HIVEP3: variants seen among roughly 807,000 people sequenced by gnomAD.
HIVEP3 encodes HIVEP zinc finger 3.
In HIVEP3, 49 loss-of-function variants were observed where a neutral mutation model predicts 152.8. The observed-to-expected ratio is 0.32, with a 90% CI of 0.26 to 0.41. HIVEP3 has a LOEUF of 0.41. Ranked by LOEUF, HIVEP3 falls within the 10% of genes least tolerant of loss-of-function variation. The probability of loss-of-function intolerance (pLI) is 1.00; values close to 1 mark genes in which losing one functional copy is unlikely to be tolerated. For missense variants in HIVEP3, 2,790 were observed against 3,103.3 expected, an observed-to-expected ratio of 0.90 and a Z score of 2.40; for synonymous variants, 1,269 against 1,289.0, an observed-to-expected ratio of 0.98 and a Z score of 0.33.
At chr1:41,767,162 C>A (rs1360071261) in intron 1 of HIVEP3, among the ~76,000 whole-genome samples, 1 of 152,208 alleles carries the variant, frequency 6.6e-6, no homozygotes, top group Non-Finnish European at 1.5e-5. Flanking sequence ...ATCATCTGGG[C>A]ATCCTTATGC....
At chr1:41,709,679 G>A (rs920423772) in intron 1 of HIVEP3, among the ~76,000 whole-genome samples, 4 of 152,216 alleles carry the variant, frequency 2.6e-5, no homozygotes, top group African/African-American at 9.6e-5. Context: ...CTCTGGCTTT[G>A]TAGATAATTG....
intron 5 of HIVEP3, among the ~76,000 whole-genome samples, chr1:41,569,530 G>C (rs1644220986): frequency 6.6e-6 from 1 of 152,138 alleles, no homozygotes; most frequent in South Asian, 2.1e-4. Flanking sequence ...TCTAAATCTG[G>C]AGTTCACAGC....
intron 2 of HIVEP3, among the ~76,000 whole-genome samples, chr1:41,684,899 C>G (rs1022144961): frequency 6.6e-6 from 1 of 152,248 alleles, no homozygotes; most frequent in Non-Finnish European, 1.5e-5. Flanking sequence ...CAGACGTGAA[C>G]CTGGTTCTGT....
At chr1:41,892,531 C>T (rs1644462392) in intron 1 of HIVEP3, among the ~76,000 whole-genome samples, 1 of 152,214 alleles carries the variant, frequency 6.6e-6, no homozygotes, top group South Asian at 2.1e-4. Context: ...GAAAAAAAGA[C>T]CCAGATGTTG....
At chr1:41,779,699 A>G (rs1461639655) in intron 1 of HIVEP3, among the ~76,000 whole-genome samples, 6 of 152,276 alleles carry the variant, frequency 3.9e-5, no homozygotes, top group Non-Finnish European at 1.5e-5. Flanking sequence ...GTTTTGCCAT[A>G]TTGGCCAGGC....
At chr1:41,893,910 T>TTA (rs534353500) in intron 1 of HIVEP3, among the ~76,000 whole-genome samples, 78 of 145,240 alleles carry the variant, frequency 5.4e-4, no homozygotes, top group Non-Finnish European at 7.0e-4. Context: ...TATTTATTTT[T>TTA]TATATATATA....
intron 5 of HIVEP3, among the ~76,000 whole-genome samples, chr1:41,532,101 G>C (rs1212602048): frequency 7.0e-6 from 1 of 142,384 alleles, no homozygotes; most frequent in African/African-American, 2.7e-5. Context: ...ACGGGAGAGA[G>C]AGGACAGGAG....
intron 1 of HIVEP3, among the ~76,000 whole-genome samples, chr1:42,016,144 T>C (rs1645521191): frequency 6.6e-6 from 1 of 152,212 alleles, no homozygotes; most frequent in Non-Finnish European, 1.5e-5. Context: ...TATATTTGTA[T>C]ATACACATAC....
chr1:41,837,452 G>A (rs1178656567), intron 1 of HIVEP3, among the ~76,000 whole-genome samples: 3 of 152,102 alleles, frequency 2.0e-5, no homozygotes, highest in South Asian at 2.1e-4. Context: ...TCAGCCTCCC[G>A]AGTAGCTGGG....
At chr1:41,761,443 T>C (rs1474286273) in intron 1 of HIVEP3, among the ~76,000 whole-genome samples, 4 of 152,200 alleles carry the variant, frequency 2.6e-5, no homozygotes, top group African/African-American at 9.7e-5. Context: ...TCTGTGTGTA[T>C]ACACCTGAGT....
chr1:41,547,907 C>T (rs1643843415), intron 5 of HIVEP3, among the ~76,000 whole-genome samples: 7 of 150,732 alleles, frequency 4.6e-5, no homozygotes, highest in Admixed American at 3.3e-4. Context: ...ACTGCTTCCC[C>T]TCCTCTCTGG....
Position 41,511,294 on chromosome 1 carries a change from G to T in HIVEP3, c.6406-28C>A. The T allele has an allele frequency of 6.5e-7, 1 of 1,549,778 alleles. No individual in the cohort carries two copies. Among genetic ancestry groups the T allele is most frequent in the Non-Finnish European group, 8.7e-7 (1 of 1,145,090 alleles). On this transcript the variant is annotated intron_variant, in intron 8 of 8. Transcript: ENST00000372583. This position sits in a 1 kb window ranked among gnomAD's most constrained non-coding sequence, Gnocchi z 4.9. The stretch of plus-strand genomic sequence containing the variant: ...GGGGTCAGAAAACAAGACAAGGTAA[G>T]GTGAAGGTTACATGCTGGGCACATG...
intron 5 of HIVEP3, among the ~76,000 whole-genome samples, chr1:41,527,488 ACCACCCTCACACACACT>A (rs1643027053): frequency 4.7e-5 from 3 of 64,358 alleles, no homozygotes; most frequent in Non-Finnish European, 9.7e-5. Context: ...ATACTCACAC[ACCACCCTCACACACACT>A]CACACACCCC....
At chr1:41,901,736 C>G (rs1329819338) in intron 1 of HIVEP3, among the ~76,000 whole-genome samples, 1 of 152,044 alleles carries the variant, frequency 6.6e-6, no homozygotes, top group African/African-American at 2.4e-5. Flanking sequence ...AGGGCTGAAG[C>G]GGAGGAGGGA....
chr1:41,883,577 G>T (rs747182494), intron 1 of HIVEP3, among the ~76,000 whole-genome samples: 9 of 152,218 alleles, frequency 5.9e-5, no homozygotes, highest in Admixed American at 2.0e-4. Context: ...CCTGACAGCA[G>T]AACCAGAACT....
At chr1:41,526,593 A>G (rs1335917617) in intron 5 of HIVEP3, among the ~76,000 whole-genome samples, 933 of 11,316 alleles carry the variant, frequency 0.082, no homozygotes, top group Admixed American at 0.095. Flanking sequence ...CCACACTCAC[A>G]CCCTTACACC....
chr1:41,727,621 A>G (rs1251481119), intron 1 of HIVEP3, among the ~76,000 whole-genome samples: 1 of 152,280 alleles, frequency 6.6e-6, no homozygotes, highest in East Asian at 1.9e-4. Flanking sequence ...AATCCCCCGC[A>G]GACCGGTGTT....
intron 1 of HIVEP3, among the ~76,000 whole-genome samples, chr1:41,718,086 G>T (rs1029697298): frequency 6.6e-6 from 1 of 152,244 alleles, no homozygotes; most frequent in Non-Finnish European, 1.5e-5. Flanking sequence ...CAAGGATTCG[G>T]AATCCCCCAA....
chr1:41,884,231 C>T (rs1330217399), intron 1 of HIVEP3, among the ~76,000 whole-genome samples: 1 of 152,150 alleles, frequency 6.6e-6, no homozygotes, highest in Non-Finnish European at 1.5e-5. Flanking sequence ...CTCCCAAAGT[C>T]TTGAGATTAC....
Sources: allele counts gnomAD v4.1 joint callset (sites outside exome capture counted in the v4.1 genomes callset), GRCh38; gene constraint gnomAD v4.1.1; non-coding constraint Gnocchi (gnomAD v3.1); transcripts MANE v1.5; gene names NCBI Gene and HGNC (gene_info 2026-07-23, HGNC 2026-07-21).